The following PLD5 variants were observed in gnomAD, a reference collection of about 807,000 sequenced individuals.
The protein encoded by PLD5 is phospholipase D family member 5.
Under a neutral mutation model 61.1 loss-of-function variants are expected in PLD5, and 36 were observed. The ratio of observed to expected loss-of-function variants is 0.59; its 90% CI spans 0.45 to 0.78. PLD5 has a LOEUF of 0.78. Among genes scored for constraint, PLD5 ranks in the 30% least tolerant of loss-of-function variants. The pLI is 0.00. For synonymous variants in PLD5, 243 were observed against 242.8 expected (o/e 1.00, Z -0.01); for missense variants, 515 against 644.4 (o/e 0.80, Z 2.17).
chr1:242,526,507 C>T (rs1238528932), upstream of PLD5, among the ~76,000 whole-genome samples: 1 of 152,194 alleles, frequency 6.6e-6, no homozygotes, highest in East Asian at 1.9e-4. Context: ...GCCATCTCGG[C>T]TCGCTGCAAC....
chr1:242,194,107 A>C (rs903211003), intron 5 of PLD5, among the ~76,000 whole-genome samples: 1 of 152,132 alleles, frequency 6.6e-6, no homozygotes, highest in Non-Finnish European at 1.5e-5. Context: ...GTATGGCAGG[A>C]ACAGGGGGAA....
chr1:242,407,568 T>TGG (rs1664308695), intron 1 of PLD5, among the ~76,000 whole-genome samples: 1 of 148,590 alleles, frequency 6.7e-6, no homozygotes, highest in Non-Finnish European at 1.5e-5. Context: ...TTTGTTTTTT[T>TGG]TTTTTTTTTT....
At chr1:242,443,483 G>A (rs1415830508) in intron 1 of PLD5, among the ~76,000 whole-genome samples, 2 of 152,140 alleles carry the variant, frequency 1.3e-5, no homozygotes, top group Non-Finnish European at 2.9e-5. Context: ...GATGCCCAGA[G>A]CTGAGTCCTT....
intron 5 of PLD5, among the ~76,000 whole-genome samples, chr1:242,126,722 G>T (rs1201581018): frequency 6.6e-6 from 1 of 151,972 alleles, no homozygotes; most frequent in African/African-American, 2.4e-5. Context: ...ACATAACACT[G>T]GAAAAACCCT....
chr1:242,506,360 C>T (rs1045943271), intron 1 of PLD5, among the ~76,000 whole-genome samples: 4 of 152,140 alleles, frequency 2.6e-5, no homozygotes, highest in African/African-American at 9.7e-5. Context: ...AAGGCATCCA[C>T]GTTTGCTATT....
chr1:242,185,434 CTG>C (rs996634786), intron 5 of PLD5, among the ~76,000 whole-genome samples: 2 of 150,036 alleles, frequency 1.3e-5, no homozygotes, highest in African/African-American at 4.8e-5. Context: ...ATTAATAAAA[CTG>C]TGAATAGTAT....
intron 1 of PLD5, among the ~76,000 whole-genome samples, chr1:242,353,254 A>G (rs1037340316): frequency 2.6e-5 from 4 of 152,098 alleles, no homozygotes. Context: ...AGTTTTCCCA[A>G]TACCATTTAT....
rs145373192 is a variant in PLD5, at chr1:242,488,970, A to G, written c.189+35118T>C. 6.3e-3 allele frequency among the ~76,000 whole-genome samples: 956 copies of G among 152,344 alleles called. 11 individuals are homozygous for G. The highest frequency in any genetic ancestry group is 0.022 in the African/African-American group (897 of 41,584). ...CTTGAAAATGAATTCTAGTAATAGTAGCAACAAGAATGTGAAATCAAGCAA... is the reference window on the plus strand; with the variant it reads ...CTTGAAAATGAATTCTAGTAATAGTGGCAACAAGAATGTGAAATCAAGCAA... On this transcript the variant is annotated intron_variant, in intron 1 of 9. Coordinates refer to ENST00000536534, the MANE Select transcript of PLD5 (RefSeq NM_001372062.1).
intron 5 of PLD5, among the ~76,000 whole-genome samples, chr1:242,216,195 T>C (rs1574537689): frequency 6.6e-6 from 1 of 152,328 alleles, no homozygotes; most frequent in East Asian, 1.9e-4. Flanking sequence ...ATAACAGCAA[T>C]GACCGCCTTG....
rs1160491928 is a variant in PLD5 at position 242,185,565 on chromosome 1, C to G, written c.735+34423G>C. Among the ~76,000 whole-genome samples, 4 of 152,316 alleles carry G rather than the reference C, an allele frequency of 2.6e-5. No homozygotes were observed. In the East Asian group the frequency reaches 7.7e-4, roughly 29 times the overall value. Reference sequence around the variant, plus strand: ...AGGTAAGACAAGAGCAATGACAACACAGCACCACAAGCCTTGCCTGGGGTA... The same window carrying G: ...AGGTAAGACAAGAGCAATGACAACAGAGCACCACAAGCCTTGCCTGGGGTA... On this transcript the variant is annotated intron_variant, in intron 5 of 9. Transcript: ENST00000536534.
chr1:242,345,925 G>A (rs1022031938), intron 2 of PLD5, among the ~76,000 whole-genome samples: 3 of 151,552 alleles, frequency 2.0e-5, no homozygotes, highest in Non-Finnish European at 4.4e-5. Flanking sequence ...ATGTTGTAAT[G>A]TCTGAGAATG....
chr1:242,436,530 C>T (rs1475150880), intron 1 of PLD5, among the ~76,000 whole-genome samples: 4 of 152,150 alleles, frequency 2.6e-5, no homozygotes, highest in African/African-American at 9.7e-5. Flanking sequence ...TTATTAAAGA[C>T]AATAGCTCAA....
intron 9 of PLD5, among the ~76,000 whole-genome samples, chr1:242,094,664 G>C (rs1660086885): frequency 6.6e-6 from 1 of 152,064 alleles, no homozygotes; most frequent in Non-Finnish European, 1.5e-5. Flanking sequence ...ATTTAAAAAT[G>C]TATTATAGAG....
chr1:242,278,728 C>A (rs1454997450), intron 3 of PLD5, among the ~76,000 whole-genome samples: 1 of 152,204 alleles, frequency 6.6e-6, no homozygotes. Context: ...GAGGTAGCGA[C>A]CCTTGCTTAT....
At chr1:242,283,069 AC>A (rs1426905468) in intron 3 of PLD5, among the ~76,000 whole-genome samples, 1 of 152,154 alleles carries the variant, frequency 6.6e-6, no homozygotes, top group African/African-American at 2.4e-5. Flanking sequence ...CCAAACAGCA[AC>A]CTTTTGGAGG....
At chr1:242,215,930 T>G (rs1186844639) in intron 5 of PLD5, among the ~76,000 whole-genome samples, 1 of 152,248 alleles carries the variant, frequency 6.6e-6, no homozygotes, top group East Asian at 1.9e-4. Context: ...GCTTATCTTC[T>G]AAATCTGCCT....
chr1:242,381,315 G>A (rs1230448723), intron 1 of PLD5, among the ~76,000 whole-genome samples: 6 of 152,074 alleles, frequency 3.9e-5, no homozygotes, highest in Admixed American at 1.3e-4. Flanking sequence ...ACCAAACACC[G>A]CATGTTCTCA....
intron 1 of PLD5, among the ~76,000 whole-genome samples, chr1:242,442,767 G>C (rs895664848): frequency 2.6e-5 from 4 of 152,190 alleles, no homozygotes; most frequent in Non-Finnish European, 5.9e-5. Context: ...TCCTAAACTA[G>C]TAAAGTCAAT....
At chr1:242,319,410 C>T (rs1574724345) in intron 2 of PLD5, among the ~76,000 whole-genome samples, 1 of 150,698 alleles carries the variant, frequency 6.6e-6, no homozygotes, top group African/African-American at 2.5e-5. Context: ...TATATGTGTG[C>T]ATACAAATGA....
Sources: gnomAD v4.1 joint callset for allele counts (sites outside exome capture counted in the v4.1 genomes callset) on GRCh38, gnomAD v4.1.1 for gene constraint, MANE v1.5 for transcripts, NCBI Gene and HGNC (gene_info 2026-07-23, HGNC 2026-07-21) for gene names.